Variants in RCC1 observed in about 807,000 individuals in gnomAD.
RCC1 encodes the protein regulator of chromosome condensation 1.
Under a neutral mutation model 44.4 loss-of-function variants are expected in RCC1, and 11 were observed. The ratio of observed to expected loss-of-function variants is 0.25; its 90% confidence interval spans 0.16 to 0.41. RCC1 has a LOEUF of 0.41. Among genes scored for constraint, RCC1 ranks in the 10% least tolerant of loss-of-function variants. RCC1 has a pLI of 1.00. For synonymous variants in RCC1, 213 were observed against 216.5 expected, an observed-to-expected ratio of 0.98 and a Z score of 0.14; for missense variants, 386 against 547.1, an observed-to-expected ratio of 0.71 and a Z score of 2.94.
At chr1:28,527,502 C>G (rs1663749220) in intron 4 of RCC1, among the ~76,000 whole-genome samples, 1 of 152,070 alleles carries the variant, frequency 6.6e-6, no homozygotes. Context: ...CTCGACTTCC[C>G]AAAGTGCTAG....
rs1272232398 is a variant in RCC1 at position 28,536,860 on chromosome 1, G to T, written c.1051G>T (p.Ala351Ser). The change falls in exon 12 of 13, where the codon GCT becomes TCT. Residue 351 changes from alanine (A) to serine (S), a missense_variant. By Grantham distance (99) the Ala-to-Ser change is moderately conservative (BLOSUM62 1). Transcript: ENST00000683442. The surrounding 1 kb of genome is among the most constrained non-coding windows in gnomAD (Gnocchi z 4.9). Reference protein sequence around the residue: ...ISRLPAVSSVACGASVGYAVT... With the variant: ...ISRLPAVSSVSCGASVGYAVT... ...CAGGCTGCCTGCTGTCTCCTCGGTG[G>T]CTTGTGGGGCCTCTGTGGGGTATGC... The T allele has an allele frequency of 6.2e-7, 1 of 1,614,032 alleles. No individual in the cohort carries two copies. Among genetic ancestry groups the T allele is most frequent in the East Asian group, 2.2e-5 (1 of 44,890 alleles).
intron 5 of RCC1, among the ~76,000 whole-genome samples, chr1:28,530,161 A>C (rs76159757): frequency 0.27 from 40,341 of 148,760 alleles, 5,548 homozygotes; most frequent in Middle Eastern, 0.35. Flanking sequence ...CTGGCACAAA[A>C]AAAAAAAAAA....
At chr1:28,511,975 C>G (rs894524451) in intron 3 of RCC1, among the ~76,000 whole-genome samples, 1 of 122,650 alleles carries the variant, frequency 8.2e-6, no homozygotes, top group African/African-American at 3.6e-5. Flanking sequence ...CAAGCCTGAT[C>G]CTTTTTTTTT....
At chr1:28,513,865 A>C (rs1297495178) in intron 3 of RCC1, among the ~76,000 whole-genome samples, 1 of 152,192 alleles carries the variant, frequency 6.6e-6, no homozygotes, top group Non-Finnish European at 1.5e-5. Context: ...GAATACAGGC[A>C]TGAGTCACCA....
chr1:28,511,012 A>G (rs1662495910), intron 3 of RCC1: 1 of 151,966 alleles, frequency 6.6e-6, no homozygotes, highest in African/African-American at 2.4e-5. Flanking sequence ...CAAAGCTGTC[A>G]GTAGGTGTTC....
Position 28,536,431 on chromosome 1 carries a change from C to T in RCC1, c.937+50C>T, listed in dbSNP as rs1379860862. Reference sequence around the variant, plus strand: ...GTTTGGGGGTGGAGTGTTCCCTGGCCTAGGCCTAGCCAGATTCCTGAGACC... The same window carrying T: ...GTTTGGGGGTGGAGTGTTCCCTGGCTTAGGCCTAGCCAGATTCCTGAGACC... On this transcript the variant is annotated intron_variant, in intron 11 of 12. Transcript: ENST00000683442. This position sits in a 1 kb window ranked among gnomAD's most constrained non-coding sequence, Gnocchi z 4.9. 1 of 1,590,892 alleles carries T rather than the reference C, an allele frequency of 6.3e-7. No homozygotes were observed. The highest frequency in any genetic ancestry group is 8.5e-7 in the Non-Finnish European group (1 of 1,171,818).
intron 4 of RCC1, chr1:28,518,598 A>C (rs1357551483): frequency 6.7e-6 from 1 of 150,082 alleles, no homozygotes; most frequent in African/African-American, 2.4e-5. Flanking sequence ...GCGCCCGCGC[A>C]GGCGGGAGAT....
chr1:28,511,973 ATCC>A (rs1662575538), intron 3 of RCC1, among the ~76,000 whole-genome samples: 1 of 118,730 alleles, frequency 8.4e-6, no homozygotes, highest in African/African-American at 3.8e-5. Context: ...CTCAAGCCTG[ATCC>A]TTTTTTTTTT....
chr1:28,506,059 T>G lies in RCC1; in HGVS notation c.-287T>G. 2.2e-6 allele frequency: 1 copy of G among 456,094 alleles called. No homozygotes were observed. Among genetic ancestry groups the G allele is most frequent in the Non-Finnish European group, 4.4e-6 (1 of 226,804 alleles). The allele number at this position is 456,094 out of a possible 1,614,324, so 28.3% of individuals were successfully genotyped here. On this transcript the variant is annotated 5_prime_UTR_variant, in exon 1 of 13. Transcript: ENST00000683442. ...TTTCTCTCTCCTTTTTGGAGACAGA[T>G]TCGCAGTGGTCGCTTCTTCTCCTTG... is the stretch of plus-strand genomic sequence containing the variant.
In RCC1 at chr1:28,534,956, T is replaced by C; in HGVS notation, c.442-94T>C. On this transcript the variant is annotated intron_variant, in intron 7 of 12. Coordinates refer to ENST00000683442, the MANE Select transcript of RCC1 (RefSeq NM_001381865.2). ...AGTATGTGGCCTGGCTCCTGCCCAC[T>C]TCTCCATCCCCATCTGGTGCCACTG... The C allele has an allele frequency of 5.3e-6, 5 of 935,346 alleles. No individual in the cohort carries two copies. In the East Asian group the frequency reaches 1.2e-4, roughly 22 times the overall value. The allele number at this position is 935,346 out of a possible 1,614,324, so 57.9% of individuals were successfully genotyped here.
At position 28,536,158 on chromosome 1, in the gene RCC1, A is replaced by C. The variant is rs983191673; in HGVS notation, c.818-104A>C. ...AGCCAGTTTTGTCATCTGTAAAGTGAGAATGTCCATATCCTGATGGGAGGT... is the reference window on the plus strand; with the variant it reads ...AGCCAGTTTTGTCATCTGTAAAGTGCGAATGTCCATATCCTGATGGGAGGT... On this transcript the variant is annotated intron_variant, in intron 10 of 12. Transcript: ENST00000683442. This position sits in a 1 kb window ranked among gnomAD's most constrained non-coding sequence, Gnocchi z 4.9. The C allele has an allele frequency of 1.3e-6, 2 of 1,547,554 alleles. No homozygotes were observed. Among genetic ancestry groups the C allele is most frequent in the African/African-American group, 2.7e-5 (2 of 73,080 alleles).
chr1:28,538,544 T>C lies in RCC1; in HGVS notation c.*537T>C, dbSNP rs909795427. 2 of 152,290 alleles carry C rather than the reference T, an allele frequency of 1.3e-5. No homozygotes were observed. Among genetic ancestry groups the C allele is most frequent in the Non-Finnish European group, 2.9e-5 (2 of 68,132 alleles). 9.4% of individuals were successfully genotyped at this position (152,290 alleles called of 1,614,324 possible). On this transcript the variant is annotated 3_prime_UTR_variant, in exon 13 of 13. Coordinates refer to ENST00000683442, the MANE Select transcript of RCC1 (RefSeq NM_001381865.2). Reference sequence around the variant, plus strand: ...GCTGTGGGCAACTATAAGCCAAATATTTGGCTCAGAACAGGTGTCCATGGG... The same window carrying C: ...GCTGTGGGCAACTATAAGCCAAATACTTGGCTCAGAACAGGTGTCCATGGG...
At chr1:28,506,411 C>A (rs2840757) in intron 1 of RCC1, 88,362 of 340,174 alleles carry the variant, frequency 0.26, 12,056 homozygotes, top group Middle Eastern at 0.35. Context: ...TTTTGAACTC[C>A]TGATTTCCGG....
rs1664547155 is a variant in RCC1, at chr1:28,536,213, G to A, written c.818-49G>A. 2 of 1,601,116 alleles carry A rather than the reference G, an allele frequency of 1.2e-6. No individual in the cohort carries two copies. The highest frequency in any genetic ancestry group is 1.7e-6 in the Non-Finnish European group (2 of 1,173,808). On this transcript the variant is annotated intron_variant, in intron 10 of 12. Transcript: ENST00000683442. This position sits in a 1 kb window ranked among gnomAD's most constrained non-coding sequence, Gnocchi z 4.9. ...TCACTGTGGGAGGAGATTGAGAAGG[G>A]CAGCTCTCAGAACACCTTCACCCCT...
chr1:28,536,239 G>A lies in RCC1; in HGVS notation c.818-23G>A. 1 of 1,611,958 alleles carries A rather than the reference G, an allele frequency of 6.2e-7. No individual in the cohort carries two copies. Among genetic ancestry groups the A allele is most frequent in the South Asian group, 1.1e-5 (1 of 90,694 alleles). On this transcript the variant is annotated intron_variant, in intron 10 of 12. Coordinates refer to ENST00000683442, the MANE Select transcript of RCC1 (RefSeq NM_001381865.2). The surrounding 1 kb of genome is among the most constrained non-coding windows in gnomAD (Gnocchi z 4.9). ...CAGCTCTCAGAACACCTTCACCCCT[G>A]ATGGCTCCGGCCTTTCCCCCAGGAA... is the stretch of plus-strand genomic sequence containing the variant.
intron 4 of RCC1, chr1:28,526,328 G>T: frequency 3.3e-6 from 1 of 301,140 alleles, no homozygotes; most frequent in South Asian, 5.8e-5. Flanking sequence ...AGTACTTGAT[G>T]ACTCCATTGG....
At chr1:28,533,840 C>CTTTTCTTTTTTTT (rs1664352562) in intron 7 of RCC1, among the ~76,000 whole-genome samples, 1 of 32,674 alleles carries the variant, frequency 3.1e-5, no homozygotes, top group Non-Finnish European at 6.6e-5. Flanking sequence ...CTTTTCTTTT[C>CTTTTCTTTTTTTT]TTTTCTTTTT....
chr1:28,538,815 G>C lies in RCC1; in HGVS notation c.*808G>C, dbSNP rs910515666. 1 of 152,194 alleles carries C rather than the reference G, an allele frequency of 6.6e-6. No individual in the cohort carries two copies. The highest frequency in any genetic ancestry group is 1.5e-5 in the Non-Finnish European group (1 of 68,054). The allele number at this position is 152,194 out of a possible 1,614,324, so 9.4% of individuals were successfully genotyped here. On this transcript the variant is annotated 3_prime_UTR_variant, in exon 13 of 13. Coordinates refer to ENST00000683442, the MANE Select transcript of RCC1 (RefSeq NM_001381865.2). Reference sequence around the variant, plus strand: ...ACAGCAATATTGAAAGGAGGTGGGGGATTGAGGGAGGGACAGAGTGTTGGA... The same window carrying C: ...ACAGCAATATTGAAAGGAGGTGGGGCATTGAGGGAGGGACAGAGTGTTGGA...
intron 1 of RCC1, chr1:28,506,303 G>A (rs769309515): frequency 4.6e-6 from 2 of 439,340 alleles, no homozygotes; most frequent in Non-Finnish European, 9.1e-6. Flanking sequence ...TCGTGCCTCA[G>A]CCTCTCCAGC....
Sources: gnomAD v4.1 joint callset for allele counts (sites outside exome capture counted in the v4.1 genomes callset) on GRCh38, gnomAD v4.1.1 for gene constraint, Gnocchi (gnomAD v3.1) non-coding constraint, MANE v1.5 for transcripts, NCBI Gene and HGNC (gene_info 2026-07-23, HGNC 2026-07-21) for gene names.